MYB: variants seen among roughly 807,000 people sequenced by gnomAD.
The protein encoded by MYB is transcriptional activator Myb.
In MYB, 28 loss-of-function variants were observed where a neutral mutation model predicts 92.9. The observed-to-expected ratio is 0.30, with a 90% CI of 0.22 to 0.41. MYB has a LOEUF of 0.41. MYB is among the 10% of genes least tolerant of loss of function. The pLI, the probability that MYB is intolerant of heterozygous loss-of-function variation, is 1.00. For missense variants in MYB, 679 were observed against 929.3 expected (o/e 0.73, Z 3.50); for synonymous variants, 295 against 329.1 (o/e 0.90, Z 1.12).
chr6:135,187,767 C>T, intron 2 of MYB, 67 bp from the exon 3 acceptor site: 2 of 1,040,330 alleles, frequency 1.9e-6, no homozygotes, highest in Non-Finnish European at 2.8e-6. Context: ...TTCCCTCATT[C>T]ACTTTAACTT....
At chr6:135,183,572 T>C (rs751773480) in intron 1 of MYB, among the ~76,000 whole-genome samples, 14 of 152,200 alleles carry the variant, frequency 9.2e-5, no homozygotes, top group Non-Finnish European at 2.1e-4. Context: ...GGAAAAGTTA[T>C]TTCAGGTTCC....
chr6:135,199,792 C>A (rs923441746), intron 11 of MYB, among the ~76,000 whole-genome samples: 2 of 152,160 alleles, frequency 1.3e-5, no homozygotes, highest in South Asian at 4.1e-4. Context: ...TCTTGATGCT[C>A]ATAGTCTTAT....
intron 15 of MYB, among the ~76,000 whole-genome samples, chr6:135,212,530 A>G (rs935969667): frequency 1.4e-4 from 21 of 152,144 alleles, no homozygotes; most frequent in African/African-American, 3.6e-4. Flanking sequence ...GTGCTTTAAC[A>G]GGATATCCCA....
chr6:135,185,238 G>A (rs1284511827), intron 1 of MYB, among the ~76,000 whole-genome samples: 2 of 152,158 alleles, frequency 1.3e-5, no homozygotes, highest in African/African-American at 4.8e-5. Flanking sequence ...GGATCAACCA[G>A]GCCTGGAGTT....
rs200859137 is a variant in MYB, at chr6:135,217,937, G to A, written c.2243G>A (p.Arg748His). ...CAGATGACATCTTCCAGTCAAGCTC[G>A]TAAATACGTGAATGCATTCTCAGCC... Reference protein sequence around the residue: ...EEQMTSSSQARKYVNAFSART... With the variant: ...EEQMTSSSQAHKYVNAFSART... Residue 748 changes from arginine to histidine, a missense_variant, in exon 16 of 16, where the codon CGT becomes CAT. By Grantham distance (29) the Arg-to-His change is conservative (BLOSUM62 0). Around this residue, in one of 8 missense-constraint regions of MYB, gnomAD observed 402 missense variants for 434.2 expected, o/e 0.93. Transcript: ENST00000341911. The A allele has an allele frequency of 9.9e-6, 16 of 1,613,212 alleles. No homozygotes were observed. The African/African-American group carries it at 1.3e-4, about 13-fold the overall frequency.
Position 135,219,172 on chromosome 6 carries a change from A to G in MYB, c.*1192A>G. ...ATAAAGATGTGCCCTTATTTTACCT[A>G]CTTTTGTTTTCTCTCTTATTTGTCA... On this transcript the variant is annotated 3_prime_UTR_variant, in exon 16 of 16. Coordinates refer to ENST00000341911, the MANE Select transcript of MYB (RefSeq NM_001130173.2). The G allele has an allele frequency of 4.8e-6, 1 of 208,006 alleles. No individual in the cohort carries two copies. Among genetic ancestry groups the G allele is most frequent in the Admixed American group, 5.9e-5 (1 of 16,904 alleles). The allele number at this position is 208,006 out of a possible 1,614,324, so 12.9% of individuals were successfully genotyped here.
chr6:135,181,636 T>A lies in MYB; in HGVS notation c.23+100T>A. ...GGTGGGAATTCGTTCCGGGATCATC[T>A]GAGGGGCTGTCAGACCCTCCGAGGA... On this transcript the variant is annotated intron_variant, in intron 1 of 15. Coordinates refer to ENST00000341911, the MANE Select transcript of MYB (RefSeq NM_001130173.2). This position sits in a 1 kb window ranked among gnomAD's most constrained non-coding sequence, Gnocchi z 5.3. The A allele has an allele frequency of 1.1e-6, 1 of 887,444 alleles. No individual in the cohort carries two copies. The highest frequency in any genetic ancestry group is 1.8e-5 in the African/African-American group (1 of 56,408). The allele number at this position is 887,444 out of a possible 1,614,324, so 55.0% of individuals were successfully genotyped here.
In MYB at chr6:135,197,232, C is replaced by A; in HGVS notation, c.1475C>A (p.Thr492Asn). The change falls in exon 10 of 16, where the codon ACT becomes AAT. Residue 492 changes from threonine to asparagine, a missense_variant. Physicochemically the swap from Thr to Asn is moderately conservative, Grantham distance 65 (BLOSUM62 0). Coordinates refer to ENST00000341911, the MANE Select transcript of MYB (RefSeq NM_001130173.2). ...CGGGGCCAGGCCAGCCCCTTAGCCA[C>A]TGGAGACTGTAGCTCCTTCATATTT... Reference protein sequence around the residue: ...KKRGQASPLATGDCSSFIFAD... With the variant: ...KKRGQASPLANGDCSSFIFAD... 1.2e-6 allele frequency: 2 copies of A among 1,614,050 alleles called. No individual in the cohort carries two copies. Among genetic ancestry groups the A allele is most frequent in the South Asian group, 2.2e-5 (2 of 91,086 alleles).
At chr6:135,198,823 T>C (rs1777679169) in intron 10 of MYB, 85 bp from the exon 11 acceptor site, 1 of 1,096,792 alleles carries the variant, frequency 9.1e-7, no homozygotes, top group Non-Finnish European at 1.3e-6. Context: ...GAAAACATTC[T>C]TGTTATCTAG....
Position 135,190,005 on chromosome 6 carries a change from A to G in MYB, c.306+122A>G, listed in dbSNP as rs1369567950. On this transcript the variant is annotated intron_variant, in intron 4 of 15. Coordinates refer to ENST00000341911, the MANE Select transcript of MYB (RefSeq NM_001130173.2). This position sits in a 1 kb window ranked among gnomAD's most constrained non-coding sequence, Gnocchi z 4.5. ...AGGAAGTAGAGGACTCTATTCCCAT[A>G]TTTCCAGTGAATGAAAGCAAATTTT... The G allele has an allele frequency of 7.1e-7, 1 of 1,399,562 alleles. No homozygotes were observed. The highest frequency in any genetic ancestry group is 9.8e-7 in the Non-Finnish European group (1 of 1,016,210). 86.7% of individuals were successfully genotyped at this position (1,399,562 alleles called of 1,614,324 possible). A position where few individuals can be genotyped will look rare whatever the true frequency, so the allele number is the denominator to read the frequency against.
intron 15 of MYB, among the ~76,000 whole-genome samples, chr6:135,214,735 AC>A (rs1258563124): frequency 6.6e-6 from 1 of 152,324 alleles, no homozygotes; most frequent in East Asian, 1.9e-4. Context: ...TGAAAAGATA[AC>A]ATTAAATTTT....
rs759550085 is a variant in MYB, at chr6:135,203,694, A to C, written c.2169+370A>C. The C allele has an allele frequency of 2.4e-5, 35 of 1,428,712 alleles. No homozygotes were observed. In the East Asian group the frequency reaches 1.1e-3, roughly 45 times the overall value. The allele number at this position is 1,428,712 out of a possible 1,614,324, so 88.5% of individuals were successfully genotyped here. On this transcript the variant is annotated intron_variant, in intron 15 of 15. Coordinates refer to ENST00000341911, the MANE Select transcript of MYB (RefSeq NM_001130173.2). ...GTTTACTTTATGTTCCAAATTTTTT[A>C]TTTTTTATGCTGTATCCCTAGGCAA... is the stretch of plus-strand genomic sequence containing the variant.
In MYB at chr6:135,210,663, G is replaced by A. The variant is rs924875516; in HGVS notation, c.2170-7201G>A. ...CCTGGGTTCCAGGCTAGACTCCACT[G>A]TTTTCAAACGGCATGACTTTAATTC... On this transcript the variant is annotated intron_variant, in intron 15 of 15. Coordinates refer to ENST00000341911, the MANE Select transcript of MYB (RefSeq NM_001130173.2). Among the ~76,000 whole-genome samples the A allele has an allele frequency of 3.5e-4, 53 of 152,200 alleles. 1 individual carries two copies. Among genetic ancestry groups the A allele is most frequent in the African/African-American group, 1.2e-3 (51 of 41,458 alleles).
At position 135,207,775 on chromosome 6, in the gene MYB, C is replaced by T. The variant is rs1324553275; in HGVS notation, c.2169+4451C>T. ...TTTGAGATGAAATCTCATTCTGTTG[C>T]CCAGGCTGGGGTGCAGTGACGCAAT... is the stretch of plus-strand genomic sequence containing the variant. On this transcript the variant is annotated intron_variant, in intron 15 of 15. Coordinates refer to ENST00000341911, the MANE Select transcript of MYB (RefSeq NM_001130173.2). Among the ~76,000 whole-genome samples, 3 of 141,854 alleles carry T rather than the reference C, an allele frequency of 2.1e-5. No individual in the cohort carries two copies. In the South Asian group the frequency reaches 6.6e-4, roughly 31 times the overall value. The allele number at this position is 141,854 out of a possible 152,430, so 93.1% of individuals were successfully genotyped here.
In MYB at chr6:135,217,472, G is replaced by A. The variant is rs181689969; in HGVS notation, c.2170-392G>A. Among the ~76,000 whole-genome samples the A allele has an allele frequency of 3.1e-3, 468 of 152,244 alleles. 2 individuals carry two copies. The highest frequency in any genetic ancestry group is 6.1e-3 in the Admixed American group (94 of 15,300). ...AGCAGGTGTTGATCAATTCCAGTGC[G>A]TGCATGAGCTGCTTTGCACTGTGGC... is the stretch of plus-strand genomic sequence containing the variant. On this transcript the variant is annotated intron_variant, in intron 15 of 15. Transcript: ENST00000341911.
At position 135,201,723 on chromosome 6, in the gene MYB, C is replaced by G; in HGVS notation, c.2035C>G (p.Gln679Glu). 6.6e-7 allele frequency: 1 copy of G among 1,519,546 alleles called. No homozygotes were observed. The highest frequency in any genetic ancestry group is 8.9e-7 in the Non-Finnish European group (1 of 1,124,158). The allele number at this position is 1,519,546 out of a possible 1,614,324, so 94.1% of individuals were successfully genotyped here. A position where few individuals can be genotyped will look rare whatever the true frequency, so the allele number is the denominator to read the frequency against. Reference protein sequence around the residue: ...GDSLNTQLFTQTSPVADAPNI... With the variant: ...GDSLNTQLFTETSPVADAPNI... The stretch of plus-strand genomic sequence containing the variant: ...CAGTCTGAATACCCAACTGTTCACG[C>G]AGACCTCGCCTGTGGCAGATGCACC... The change falls in exon 14 of 16, where the codon CAG becomes GAG. Residue 679 changes from glutamine to glutamate, a missense_variant. By Grantham distance (29) the Gln-to-Glu change is conservative. Transcript: ENST00000341911.
At chr6:135,203,451 TA>T (rs1332213030) in intron 15 of MYB, 127 bp downstream of exon 15, 24 of 742,446 alleles carry the variant, frequency 3.2e-5, no homozygotes, top group Non-Finnish European at 3.8e-5. Flanking sequence ...ATTTTAGACA[TA>T]GGGGAGTAAT....
intron 14 of MYB, chr6:135,202,730 T>A: frequency 3.2e-6 from 1 of 312,178 alleles, no homozygotes; most frequent in Non-Finnish European, 6.3e-6. Context: ...AGAGGCTTAG[T>A]CATTTGCTCA....
chr6:135,183,980 G>A (rs1218272288), intron 1 of MYB, among the ~76,000 whole-genome samples: 2 of 152,172 alleles, frequency 1.3e-5, no homozygotes, highest in East Asian at 3.8e-4. Context: ...TAGAACCTTT[G>A]CCTCCAGAAC....
Sources: allele counts gnomAD v4.1 joint callset (sites outside exome capture counted in the v4.1 genomes callset), GRCh38; gene constraint gnomAD v4.1.1; regional missense constraint gnomAD v4.1.1; non-coding constraint Gnocchi (gnomAD v3.1); transcripts MANE v1.5; gene names NCBI Gene and HGNC (gene_info 2026-07-23, HGNC 2026-07-21).